The following OLFM3 variants were observed in gnomAD, a reference collection of about 807,000 sequenced individuals.
The protein encoded by OLFM3 is olfactomedin 3.
OLFM3 carries 20 observed loss-of-function variants against 48.6 expected under a neutral mutation model. That is an observed-to-expected ratio of 0.41 (90% CI 0.29 to 0.60). The LOEUF is 0.60. OLFM3 is among the 20% of genes least tolerant of loss of function. The pLI, the probability that OLFM3 is intolerant of heterozygous loss-of-function variation, is 0.28. For synonymous variants in OLFM3, 222 were observed against 198.1 expected, an observed-to-expected ratio of 1.12 and a Z score of -1.01; for missense variants, 437 against 544.3, an observed-to-expected ratio of 0.80 and a Z score of 1.96.
intron 1 of OLFM3, among the ~76,000 whole-genome samples, chr1:101,938,475 C>T (rs909888050): frequency 6.6e-6 from 1 of 152,214 alleles, no homozygotes; most frequent in Non-Finnish European, 1.5e-5. Context: ...CTTATCTTTG[C>T]TGCCTTCTGA....
At chr1:101,886,416 G>T (rs1657763108) in intron 1 of OLFM3, among the ~76,000 whole-genome samples, 1 of 152,198 alleles carries the variant, frequency 6.6e-6, no homozygotes, top group Non-Finnish European at 1.5e-5. Context: ...CCGGCTGGTA[G>T]GTAGGTGGAG....
chr1:101,842,665 A>G (rs1270230941), intron 1 of OLFM3, among the ~76,000 whole-genome samples: 3 of 152,134 alleles, frequency 2.0e-5, no homozygotes, highest in African/African-American at 7.2e-5. Flanking sequence ...TTTCCACACA[A>G]TGGAACGTCT....
At chr1:101,936,921 G>A (rs1014885155) in intron 1 of OLFM3, among the ~76,000 whole-genome samples, 8 of 152,218 alleles carry the variant, frequency 5.3e-5, no homozygotes, top group African/African-American at 1.7e-4. Context: ...ATGCCGAAGA[G>A]TGAAACTGGA....
At chr1:101,826,756 T>G (rs927847532) in intron 3 of OLFM3, among the ~76,000 whole-genome samples, 1 of 152,198 alleles carries the variant, frequency 6.6e-6, no homozygotes, top group Admixed American at 6.5e-5. Context: ...ATAGACTTAT[T>G]AAAGTATCTT....
chr1:101,966,456 A>C (rs2101090295), intron 1 of OLFM3, among the ~76,000 whole-genome samples: 1 of 152,282 alleles, frequency 6.6e-6, no homozygotes, highest in Non-Finnish European at 1.5e-5. Flanking sequence ...TACAGGCGTG[A>C]GCCACTGTGT....
chr1:101,912,847 T>C (rs563641249), intron 1 of OLFM3, among the ~76,000 whole-genome samples: 1 of 152,298 alleles, frequency 6.6e-6, no homozygotes, highest in African/African-American at 2.4e-5. Flanking sequence ...AAAGGGCTAG[T>C]TGTCAGCTGT....
intron 1 of OLFM3, among the ~76,000 whole-genome samples, chr1:101,839,421 A>G (rs1324149807): frequency 6.6e-6 from 1 of 152,214 alleles, no homozygotes; most frequent in Non-Finnish European, 1.5e-5. Context: ...TGATATAATT[A>G]GGTTCAAGTT....
At chr1:101,965,722 C>T (rs764512709) in intron 1 of OLFM3, among the ~76,000 whole-genome samples, 2 of 152,056 alleles carry the variant, frequency 1.3e-5, no homozygotes, top group Non-Finnish European at 2.9e-5. Flanking sequence ...CTACTATAAC[C>T]AAATGAAGAG....
At chr1:101,924,369 A>C (rs1011138995) in intron 1 of OLFM3, among the ~76,000 whole-genome samples, 7 of 152,170 alleles carry the variant, frequency 4.6e-5, no homozygotes, top group Admixed American at 2.0e-4. Flanking sequence ...ATTCAAGTAT[A>C]TTACTTTTGT....
At chr1:101,958,575 T>C (rs1442596603) in intron 1 of OLFM3, among the ~76,000 whole-genome samples, 1 of 152,078 alleles carries the variant, frequency 6.6e-6, no homozygotes, top group Non-Finnish European at 1.5e-5. Context: ...AGAATATGCA[T>C]GCTTTTTATC....
chr1:101,992,863 G>T (rs989825271), intron 1 of OLFM3, among the ~76,000 whole-genome samples: 1 of 152,126 alleles, frequency 6.6e-6, no homozygotes, highest in African/African-American at 2.4e-5. Flanking sequence ...TAGGGCAAGA[G>T]ATCTAATTGC....
chr1:101,858,687 G>A (rs1274436583), intron 1 of OLFM3, among the ~76,000 whole-genome samples: 1 of 151,908 alleles, frequency 6.6e-6, no homozygotes, highest in Non-Finnish European at 1.5e-5. Flanking sequence ...AAAGCATGTA[G>A]CACCTCCCTC....
At chr1:101,867,889 G>A (rs1015114482) in intron 1 of OLFM3, among the ~76,000 whole-genome samples, 2 of 152,032 alleles carry the variant, frequency 1.3e-5, no homozygotes, top group Non-Finnish European at 2.9e-5. Flanking sequence ...TGAATCATGG[G>A]GCAGTTCCTC....
intron 4 of OLFM3, among the ~76,000 whole-genome samples, chr1:101,820,786 T>C (rs1384654620): frequency 1.3e-5 from 2 of 152,102 alleles, no homozygotes; most frequent in African/African-American, 2.4e-5. Context: ...TGCTGTGACA[T>C]TTATTTAAAA....
intron 1 of OLFM3, among the ~76,000 whole-genome samples, chr1:101,917,023 C>T (rs1372639960): frequency 6.6e-6 from 1 of 152,052 alleles, no homozygotes; most frequent in Admixed American, 6.6e-5. Flanking sequence ...AACAGGAAAG[C>T]AGTACAACAG....
intron 1 of OLFM3, among the ~76,000 whole-genome samples, chr1:101,939,540 T>C (rs566555352): frequency 1.1e-4 from 17 of 152,314 alleles, no homozygotes; most frequent in African/African-American, 4.1e-4. Context: ...AATGTGATGA[T>C]ACTGTTGAGG....
In OLFM3 at chr1:101,830,682, T is replaced by G. The variant is rs1256772843; in HGVS notation, c.362A>C (p.Lys121Thr). The change falls in exon 3 of 6, where the codon AAG becomes ACG. Residue 121 changes from lysine to threonine, a missense_variant. By Grantham distance (78) the Lys-to-Thr change is moderately conservative. Transcript: ENST00000370103. ...IEDDRKTLMT[K>T]HFQELKEKMD... is the part of the protein sequence containing the mutation. ...AGAAGTCAAACCTACCTGAAAATGC[T>G]TGGTCATAAGTGTCTTTCGATCATC... 1.9e-6 allele frequency: 3 copies of G among 1,614,074 alleles called. No homozygotes were observed. The highest frequency in any genetic ancestry group is 1.3e-5 in the African/African-American group (1 of 74,948).
chr1:101,860,153 A>G (rs934279055), intron 1 of OLFM3, among the ~76,000 whole-genome samples: 1 of 152,050 alleles, frequency 6.6e-6, no homozygotes, highest in African/African-American at 2.4e-5. Flanking sequence ...GCCCAGAGGC[A>G]CACATGCTTC....
At chr1:101,902,340 G>A (rs1658414394) in intron 1 of OLFM3, among the ~76,000 whole-genome samples, 2 of 152,026 alleles carry the variant, frequency 1.3e-5, no homozygotes, top group Non-Finnish European at 1.5e-5. Flanking sequence ...TGAGAAAGTG[G>A]TGACATCAAG....
Sources: allele counts gnomAD v4.1 joint callset (sites outside exome capture counted in the v4.1 genomes callset), GRCh38; gene constraint gnomAD v4.1.1; transcripts MANE v1.5; gene names NCBI Gene and HGNC (gene_info 2026-07-23, HGNC 2026-07-21).